PCDH9: variants seen among roughly 807,000 people sequenced by gnomAD.
The protein encoded by PCDH9 is protocadherin-9.
Under a neutral mutation model 70.6 loss-of-function variants are expected in PCDH9, and 24 were observed. The ratio of observed to expected loss-of-function variants is 0.34; its 90% CI spans 0.25 to 0.48. The LOEUF is 0.48. Ranked by LOEUF, PCDH9 falls within the 20% of genes least tolerant of loss-of-function variation. The probability of loss-of-function intolerance (pLI) is 0.99; values close to 1 mark genes in which losing one functional copy is unlikely to be tolerated. For synonymous variants in PCDH9, 562 were observed against 558.5 expected (o/e 1.01, Z -0.09); for missense variants, 1,281 against 1,503.6 (o/e 0.85, Z 2.45).
chr13:66,872,413 G>C (rs2081710496), intron 3 of PCDH9, among the ~76,000 whole-genome samples: 1 of 151,974 alleles, frequency 6.6e-6, no homozygotes. Flanking sequence ...ATATCTGGCT[G>C]TGCTCATGTC....
intron 4 of PCDH9, among the ~76,000 whole-genome samples, chr13:66,321,094 T>C (rs1955745406): frequency 6.6e-6 from 1 of 152,008 alleles, no homozygotes; most frequent in South Asian, 2.1e-4. Flanking sequence ...TGCTACACTG[T>C]CTTAGCTTAC....
At position 67,225,660 on chromosome 13, in the gene PCDH9, TGTTGTTGGA is replaced by T; in HGVS notation, c.2772_2780del (p.Pro925_Thr927del). 4 of 1,614,102 alleles carry T rather than the reference TGTTGTTGGA, an allele frequency of 2.5e-6. No individual in the cohort carries two copies. Among genetic ancestry groups the T allele is most frequent in the Non-Finnish European group, 3.4e-6 (4 of 1,180,022 alleles). On this transcript the variant is annotated inframe_deletion, in exon 2 of 5. Coordinates refer to ENST00000377865, the MANE Select transcript of PCDH9 (RefSeq NM_203487.3). The stretch of plus-strand genomic sequence containing the variant: ...CCAGGTCAGGACTGTTAGGCTTGAA[TGTTGTTGGA>T]GGTGCCGGGCCCCAGTCAAATCTTC...
At chr13:66,705,241 C>G (rs2078696700) in intron 3 of PCDH9, among the ~76,000 whole-genome samples, 1 of 151,872 alleles carries the variant, frequency 6.6e-6, no homozygotes, top group African/African-American at 2.4e-5. Flanking sequence ...ATGTGCATGC[C>G]AAGACATCAT....
chr13:66,314,348 G>C (rs528183224), intron 4 of PCDH9, among the ~76,000 whole-genome samples: 7 of 152,118 alleles, frequency 4.6e-5, no homozygotes, highest in Non-Finnish European at 2.9e-5. Context: ...CGGTAGGTTT[G>C]GGGGGTAAGT....
At chr13:66,976,435 C>T (rs907271953) in intron 2 of PCDH9, among the ~76,000 whole-genome samples, 4 of 152,058 alleles carry the variant, frequency 2.6e-5, no homozygotes, top group African/African-American at 9.7e-5. Context: ...TTGGGTGAAA[C>T]TCATTTTCTC....
chr13:66,752,450 C>G (rs959581468), intron 3 of PCDH9, among the ~76,000 whole-genome samples: 8 of 152,138 alleles, frequency 5.3e-5, no homozygotes, highest in African/African-American at 1.9e-4. Context: ...GCACATGCCA[C>G]CATGCTCAGC....
At chr13:66,683,684 T>C (rs1593889156) in intron 3 of PCDH9, among the ~76,000 whole-genome samples, 1 of 152,160 alleles carries the variant, frequency 6.6e-6, no homozygotes, top group East Asian at 1.9e-4. Flanking sequence ...TTGTGTGAGG[T>C]TAAAAAGGCA....
At chr13:66,892,529 C>T (rs538150455) in intron 3 of PCDH9, among the ~76,000 whole-genome samples, 4 of 151,636 alleles carry the variant, frequency 2.6e-5, no homozygotes, top group South Asian at 2.1e-4. Flanking sequence ...GGCTTTGCTA[C>T]GTTGTAAAGT....
intron 3 of PCDH9, among the ~76,000 whole-genome samples, chr13:66,653,121 A>G: frequency 6.6e-6 from 1 of 152,180 alleles, no homozygotes; most frequent in South Asian, 2.1e-4. Context: ...AGCACAGACA[A>G]ACAAAGCAAA....
chr13:66,790,211 C>T (rs1397256602), intron 3 of PCDH9, among the ~76,000 whole-genome samples: 1 of 151,910 alleles, frequency 6.6e-6, no homozygotes, highest in Non-Finnish European at 1.5e-5. Context: ...TAAGGTGGGA[C>T]ATTATTTTAT....
intron 2 of PCDH9, among the ~76,000 whole-genome samples, chr13:67,028,540 C>A (rs992465108): frequency 2.0e-5 from 3 of 151,122 alleles, no homozygotes; most frequent in African/African-American, 7.3e-5. Context: ...GTACATTGTG[C>A]ACATGTACCC....
chr13:66,658,155 C>T (rs866199616), intron 3 of PCDH9, among the ~76,000 whole-genome samples: 1 of 152,040 alleles, frequency 6.6e-6, no homozygotes, highest in African/African-American at 2.4e-5. Context: ...ACCAGTCCCC[C>T]GATTGTACTA....
intron 4 of PCDH9, among the ~76,000 whole-genome samples, chr13:66,493,015 C>G (rs1300077716): frequency 6.6e-6 from 1 of 151,936 alleles, no homozygotes; most frequent in African/African-American, 2.4e-5. Context: ...TGGGAAGACC[C>G]TAAACTGCGA....
chr13:66,980,542 A>G (rs922394267), intron 2 of PCDH9, among the ~76,000 whole-genome samples: 5 of 152,024 alleles, frequency 3.3e-5, no homozygotes, highest in African/African-American at 9.7e-5. Flanking sequence ...ATTACTTCCT[A>G]TAAGATACTT....
chr13:66,421,215 G>T (rs1957560867), intron 4 of PCDH9, among the ~76,000 whole-genome samples: 1 of 152,120 alleles, frequency 6.6e-6, no homozygotes. Flanking sequence ...TGGTATACCT[G>T]AAAGTAATGG....
At chr13:67,156,916 C>A (rs3013592) in intron 2 of PCDH9, among the ~76,000 whole-genome samples, 143,308 of 152,238 alleles carry the variant, frequency 0.94, 67,673 homozygotes, top group Non-Finnish European at 0.98. Flanking sequence ...CATGCCCTGC[C>A]GGGGGACTAC....
intron 3 of PCDH9, among the ~76,000 whole-genome samples, chr13:66,857,450 A>T (rs893380134): frequency 6.6e-6 from 1 of 152,120 alleles, no homozygotes. Context: ...AGGTAAGAAA[A>T]AAGAATCTGA....
chr13:67,075,487 C>A (rs922919700), intron 2 of PCDH9, among the ~76,000 whole-genome samples: 1 of 152,032 alleles, frequency 6.6e-6, no homozygotes, highest in African/African-American at 2.4e-5. Flanking sequence ...TCTGCTACAG[C>A]CTCTCCCTGG....
At chr13:66,948,188 T>C (rs1312125958) in intron 2 of PCDH9, among the ~76,000 whole-genome samples, 1 of 152,082 alleles carries the variant, frequency 6.6e-6, no homozygotes, top group African/African-American at 2.4e-5. Context: ...TCATGTTCAT[T>C]TGGAAATAGT....
Sources: allele counts gnomAD v4.1 joint callset (sites outside exome capture counted in the v4.1 genomes callset), GRCh38; gene constraint gnomAD v4.1.1; transcripts MANE v1.5; gene names NCBI Gene and HGNC (gene_info 2026-07-23, HGNC 2026-07-21).